Variants in LAMA4 observed in about 807,000 individuals in gnomAD.
LAMA4 encodes the protein laminin subunit alpha-4.
In LAMA4, 127 loss-of-function variants were observed where a neutral mutation model predicts 207.1. The observed-to-expected ratio is 0.61, with a 90% CI of 0.53 to 0.71. The LOEUF (loss-of-function observed/expected upper bound fraction) is 0.71. LAMA4 is among the 30% of genes least tolerant of loss of function. The probability of loss-of-function intolerance (pLI) is 0.00; values close to 1 mark genes in which losing one functional copy is unlikely to be tolerated. For synonymous variants in LAMA4, 761 were observed against 816.0 expected, an observed-to-expected ratio of 0.93 and a Z score of 1.15; for missense variants, 2,093 against 2,246.5, an observed-to-expected ratio of 0.93 and a Z score of 1.38.
At chr6:112,244,967 C>A (rs1457130770) in intron 2 of LAMA4, among the ~76,000 whole-genome samples, 1 of 152,100 alleles carries the variant, frequency 6.6e-6, no homozygotes, top group African/African-American at 2.4e-5. Flanking sequence ...TTCAAAGGAA[C>A]AATATAAAAT....
At chr6:112,212,091 A>G (rs1024640854) in intron 3 of LAMA4, among the ~76,000 whole-genome samples, 4 of 152,048 alleles carry the variant, frequency 2.6e-5, no homozygotes, top group Admixed American at 6.5e-5. Flanking sequence ...AAGGAGGTCG[A>G]TGGAGCATGG....
chr6:112,231,694 T>C (rs181837669), intron 2 of LAMA4, among the ~76,000 whole-genome samples: 1 of 152,170 alleles, frequency 6.6e-6, no homozygotes, highest in African/African-American at 2.4e-5. Context: ...GTTTCCCTCA[T>C]GAATCAGAGG....
Position 112,175,391 on chromosome 6 carries a change from G to C in LAMA4, c.1279C>G (p.Leu427Val). The change falls in exon 11 of 39, where the codon CTT (leucine) becomes GTT (valine). Residue 427 changes from leucine to valine, a missense_variant. By Grantham distance (32) the Leu-to-Val change is conservative (BLOSUM62 1). Around this residue, in one of 3 missense-constraint regions of LAMA4, gnomAD observed 1,704 missense variants for 1,788.4 expected, o/e 0.95. Coordinates refer to ENST00000230538, the MANE Select transcript of LAMA4 (RefSeq NM_001105206.3). ...GGTTGACGGCTTCTAATCTCTTCAAGCATCTTCTGGGCCAACACCAGCTTC... is the reference window on the plus strand; with the variant it reads ...GGTTGACGGCTTCTAATCTCTTCAACCATCTTCTGGGCCAACACCAGCTTC... ...SEKLVLAQKM[L>V]EEIRSRQPFF... is the part of the protein sequence containing the mutation. 6.2e-7 allele frequency: 1 copy of C among 1,614,168 alleles called. No individual in the cohort carries two copies. Among genetic ancestry groups the C allele is most frequent in the East Asian group, 2.2e-5 (1 of 44,888 alleles).
chr6:112,232,793 A>G (rs1785648454), intron 2 of LAMA4, among the ~76,000 whole-genome samples: 1 of 152,252 alleles, frequency 6.6e-6, no homozygotes. Context: ...CAACAAAATA[A>G]TACACATTTA....
Position 112,150,554 on chromosome 6 carries a change from G to A in LAMA4, c.2130C>T (p.Thr710=), listed in dbSNP as rs782756827. Residue 710 remains threonine (T), a synonymous_variant, in exon 17 of 39, where the codon ACC becomes ACT. Transcript: ENST00000230538. ...GTTGCTTAACGGCATCACTGAGTCT[G>A]GTTTTAAGGGCACTTTTCCTTGCTA... The part of the protein sequence containing the change: ...GALARKSALK[T]RLSDAVKQLQ... The A allele has an allele frequency of 6.2e-7, 1 of 1,613,808 alleles. No homozygotes were observed. The highest frequency in any genetic ancestry group is 1.1e-5 in the South Asian group (1 of 91,076).
chr6:112,114,617 C>A, intron 37 of LAMA4, 46 bp downstream of exon 37: 1 of 1,222,916 alleles, frequency 8.2e-7, no homozygotes, highest in Non-Finnish European at 1.2e-6. Flanking sequence ...AGATCATAAT[C>A]TTACAGTTGG....
rs549108885 is a variant in LAMA4 at position 112,234,905 on chromosome 6, T to TGGATATCCAAATATCTTC, written c.196-18454_196-18437dup. Reference sequence around the variant, plus strand: ...GTTTGGAGAACCTTACAAATATCTTTGGATATCCAAATATCTTCGGATATC... The same window carrying TGGATATCCAAATATCTTC: ...GTTTGGAGAACCTTACAAATATCTTTGGATATCCAAATATCTTCGGATATCCAAATATCTTCGGATATC... On this transcript the variant is annotated intron_variant, in intron 2 of 38. Transcript: ENST00000230538. 1.1e-4 allele frequency: 17 copies of TGGATATCCAAATATCTTC among 152,336 alleles called. 1 individual carries two copies. The South Asian group carries it at 2.3e-3, about 20-fold the overall frequency. 9.4% of individuals were successfully genotyped at this position (152,336 alleles called of 1,614,324 possible). A position where few individuals can be genotyped will look rare whatever the true frequency, so the allele number is the denominator to read the frequency against.
rs535809577 is a variant in LAMA4 at position 112,155,820 on chromosome 6, T to C, written c.1818-114A>G. ...GATCACAGATGCTTCCTTCCTGTTA[T>C]TCAAAGTCACCTAGTGTGGCAAGGT... On this transcript the variant is annotated intron_variant, in intron 14 of 38. Transcript: ENST00000230538. 86 of 1,263,326 alleles carry C rather than the reference T, an allele frequency of 6.8e-5. 1 individual carries two copies. The highest frequency in any genetic ancestry group is 6.7e-4 in the East Asian group (29 of 43,050). The allele number at this position is 1,263,326 out of a possible 1,614,324, so 78.3% of individuals were successfully genotyped here.
chr6:112,252,825 CA>C (rs1195900891), intron 2 of LAMA4, among the ~76,000 whole-genome samples: 1 of 152,186 alleles, frequency 6.6e-6, no homozygotes, highest in African/African-American at 2.4e-5. Flanking sequence ...GACCAGAAGC[CA>C]TGCTCCCTCT....
chr6:112,156,878 T>C (rs1402461689), intron 14 of LAMA4, among the ~76,000 whole-genome samples: 1 of 152,208 alleles, frequency 6.6e-6, no homozygotes, highest in Non-Finnish European at 1.5e-5. Flanking sequence ...ATAATCATTC[T>C]ACCCCCTCTA....
intron 11 of LAMA4, among the ~76,000 whole-genome samples, chr6:112,174,713 G>A (rs782712797): frequency 6.6e-6 from 1 of 152,136 alleles, no homozygotes; most frequent in Non-Finnish European, 1.5e-5. Flanking sequence ...GGCTGGTCTC[G>A]AACTCCTGAC....
At position 112,134,575 on chromosome 6, in the gene LAMA4, A is replaced by C; in HGVS notation, c.3449T>G (p.Ile1150Ser). The change falls in exon 26 of 39, where the codon ATC becomes AGC. Residue 1150 changes from isoleucine to serine, a missense_variant. This residue lies in a region of LAMA4 where 1,704 missense variants were observed against 1,788.4 expected (regional missense o/e 0.95). Transcript: ENST00000230538. ...GACATGCCTTCTGTCAACTACCAAGATCATTTTCTTATCATTGTGGTAAAT... is the reference window on the plus strand; with the variant it reads ...GACATGCCTTCTGTCAACTACCAAGCTCATTTTCTTATCATTGTGGTAAAT... ...SIIYHNDKKM[I>S]LVVDRRHVKS... 6.2e-7 allele frequency: 1 copy of C among 1,610,878 alleles called. No individual in the cohort carries two copies. Among genetic ancestry groups the C allele is most frequent in the Non-Finnish European group, 8.5e-7 (1 of 1,177,638 alleles).
chr6:112,200,474 T>G (rs371067088), intron 5 of LAMA4, among the ~76,000 whole-genome samples: 5 of 152,314 alleles, frequency 3.3e-5, no homozygotes, highest in African/African-American at 1.2e-4. Context: ...GACAGTGTGG[T>G]GATTCCTCAA....
chr6:112,122,751 A>T (rs1271245949), intron 31 of LAMA4, among the ~76,000 whole-genome samples: 1 of 152,254 alleles, frequency 6.6e-6, no homozygotes, highest in Admixed American at 6.5e-5. Flanking sequence ...TGCTCTTAAA[A>T]TTGCATGGCC....
rs876657482 is a variant in LAMA4, at chr6:112,131,039, T to C, written c.3897A>G (p.Lys1299=). The change falls in exon 29 of 39, where the codon AAA becomes AAG. Residue 1299 remains lysine (K), a synonymous_variant. Transcript: ENST00000230538. ...GTVIMDVKGI[K]VQSVDKQYND... is the part of the protein sequence containing the mutation. ...TGTACTGCTTATCTACTGACTGAACTTTGATTCCCTTTACATCCATGATGA... is the reference window on the plus strand; with the variant it reads ...TGTACTGCTTATCTACTGACTGAACCTTGATTCCCTTTACATCCATGATGA... 1.2e-6 allele frequency: 2 copies of C among 1,612,962 alleles called. No individual in the cohort carries two copies. The highest frequency in any genetic ancestry group is 2.7e-5 in the African/African-American group (2 of 74,876).
In LAMA4 at chr6:112,144,795, T is replaced by TGATGAAAAG; in HGVS notation, c.2491_2492insCTTTTCATC (p.Lys831delinsThrPheHisGln). On this transcript the variant is annotated protein_altering_variant and splice_region_variant, in exon 19 of 39. Coordinates refer to ENST00000230538, the MANE Select transcript of LAMA4 (RefSeq NM_001105206.3). ...CTGATGAGTCTTTTCATCAGTTACC[T>TGATGAAAAG]TGCTGGCAACACTTCTGGTCTGAGC... The TGATGAAAAG allele has an allele frequency of 6.2e-7, 1 of 1,613,362 alleles. No individual in the cohort carries two copies. The highest frequency in any genetic ancestry group is 8.5e-7 in the Non-Finnish European group (1 of 1,179,990).
intron 5 of LAMA4, among the ~76,000 whole-genome samples, chr6:112,192,429 A>G (rs1783174331): frequency 6.6e-6 from 1 of 152,242 alleles, no homozygotes; most frequent in South Asian, 2.1e-4. Context: ...AGCAGGTAGT[A>G]CGCTTAGCTC....
At chr6:112,162,495 T>A (rs1781115646) in intron 13 of LAMA4, among the ~76,000 whole-genome samples, 2 of 151,546 alleles carry the variant, frequency 1.3e-5, no homozygotes, top group Non-Finnish European at 2.9e-5. Context: ...AATAAAAAAA[T>A]AAATAAAATA....
chr6:112,212,770 G>C (rs1243719668), intron 3 of LAMA4, among the ~76,000 whole-genome samples: 1 of 152,174 alleles, frequency 6.6e-6, no homozygotes, highest in African/African-American at 2.4e-5. Context: ...ACAGTTGCAA[G>C]AAAAACAGGA....
Sources: gnomAD v4.1 joint callset for allele counts (sites outside exome capture counted in the v4.1 genomes callset) on GRCh38, gnomAD v4.1.1 for gene constraint, gnomAD v4.1.1 regional missense constraint, MANE v1.5 for transcripts, NCBI Gene and HGNC (gene_info 2026-07-23, HGNC 2026-07-21) for gene names.